BUB1: variants seen among roughly 807,000 people sequenced by gnomAD.
BUB1 encodes BUB1 mitotic checkpoint serine/threonine kinase.
Under a neutral mutation model 135.2 loss-of-function variants are expected in BUB1, and 84 were observed. The ratio of observed to expected loss-of-function variants is 0.62; its 90% CI spans 0.52 to 0.74. The LOEUF (loss-of-function observed/expected upper bound fraction) is 0.74, where lower values mean the gene tolerates loss of function less well. Among genes scored for constraint, BUB1 ranks in the 30% least tolerant of loss-of-function variants. BUB1 has a pLI of 0.00. For synonymous variants in BUB1, 403 were observed against 434.4 expected (o/e 0.93, Z 0.90); for missense variants, 1,162 against 1,288.3 (o/e 0.90, Z 1.50).
At chr2:110,649,147 T>TCACACACACA (rs34802999) in intron 19 of BUB1, 87 bp downstream of exon 19, 1 of 1,137,482 alleles carries the variant, frequency 8.8e-7, no homozygotes, top group Non-Finnish European at 1.2e-6. Flanking sequence ...AATAGGAGAA[T>TCACACACACA]CACACACACA....
chr2:110,661,361 G>C, intron 10 of BUB1: 1 of 556,040 alleles, frequency 1.8e-6, no homozygotes, highest in South Asian at 3.2e-5. Context: ...TTTAATTCAC[G>C]AAAGTATAAA....
At chr2:110,645,013 AC>A (rs767370576) in intron 19 of BUB1, among the ~76,000 whole-genome samples, 3 of 152,246 alleles carry the variant, frequency 2.0e-5, no homozygotes, top group Admixed American at 6.5e-5. Flanking sequence ...CAAAGAAAGA[AC>A]AAGGGCAAGG....
chr2:110,641,784 G>A lies in BUB1; in HGVS notation c.2483C>T (p.Pro828Leu), dbSNP rs200251349. ...CTGGGTCCCAATGTAGAATTCCCAG[G>A]GGTTGGCAGGCTTTTGGACCTGCAA... ...FVLKVQKPAN[P>L]WEFYIGTQLM... The change falls in exon 21 of 25, where the codon CCC becomes CTC. Residue 828 changes from proline (P) to leucine (L), a missense_variant. Transcript: ENST00000302759. The A allele has an allele frequency of 6.2e-7, 1 of 1,605,886 alleles. No individual in the cohort carries two copies. The highest frequency in any genetic ancestry group is 8.5e-7 in the Non-Finnish European group (1 of 1,179,730).
At chr2:110,663,493 C>CTATTCATACA (rs1178243483) in intron 9 of BUB1, among the ~76,000 whole-genome samples, 4 of 152,112 alleles carry the variant, frequency 2.6e-5, no homozygotes, top group Non-Finnish European at 5.9e-5. Context: ...TATCCTGATG[C>CTATTCATACA]TATTCATACA....
At chr2:110,651,841 A>G (rs1689795615) in intron 17 of BUB1, among the ~76,000 whole-genome samples, 1 of 152,244 alleles carries the variant, frequency 6.6e-6, no homozygotes, top group Non-Finnish European at 1.5e-5. Flanking sequence ...AGTATTCAAT[A>G]CAATAACATG....
At position 110,650,766 on chromosome 2, in the gene BUB1, G is replaced by A; in HGVS notation, c.1983C>T (p.Ser661=). The change falls in exon 18 of 25, where the codon AGC becomes AGT. Residue 661 remains serine, a synonymous_variant. Transcript: ENST00000302759. ...DGKFSPIQEK[S]PKQALSSHMY... Reference sequence around the variant, plus strand: ...TGTGAGACGACAAGGCCTGTTTTGGGCTTTTCTCTTGAATTGGACTGGACG... The same window carrying A: ...TGTGAGACGACAAGGCCTGTTTTGGACTTTTCTCTTGAATTGGACTGGACG... The A allele has an allele frequency of 1.9e-6, 3 of 1,613,962 alleles. No homozygotes were observed. The highest frequency in any genetic ancestry group is 2.5e-6 in the Non-Finnish European group (3 of 1,179,936).
Position 110,657,172 on chromosome 2 carries a change from C to T in BUB1, c.1617-55G>A, listed in dbSNP as rs908380592. 2.1e-6 allele frequency: 3 copies of T among 1,452,970 alleles called. No homozygotes were observed. In the Admixed American group the frequency reaches 5.4e-5, roughly 26 times the overall value. The allele number at this position is 1,452,970 out of a possible 1,614,324, so 90.0% of individuals were successfully genotyped here. Reference sequence around the variant, plus strand: ...GTAAAATATGCTAAGGAAATAAATGCTATCACTTGACCATTAGAAAAGTTC... The same window carrying T: ...GTAAAATATGCTAAGGAAATAAATGTTATCACTTGACCATTAGAAAAGTTC... On this transcript the variant is annotated intron_variant, in intron 14 of 24. Transcript: ENST00000302759.
chr2:110,676,208 A>G (rs1041495392), intron 1 of BUB1, among the ~76,000 whole-genome samples: 2 of 152,126 alleles, frequency 1.3e-5, no homozygotes, highest in African/African-American at 4.8e-5. Context: ...TAATGAGCAA[A>G]GGGCATAATA....
chr2:110,661,483 T>C, intron 10 of BUB1, 99 bp downstream of exon 10: 2 of 1,401,856 alleles, frequency 1.4e-6, no homozygotes, highest in Non-Finnish European at 1.9e-6. Context: ...GCAGACATCA[T>C]TCATCTTTTA....
chr2:110,641,923 T>C, intron 20 of BUB1, 120 bp from the exon 21 acceptor site: 9 of 1,190,466 alleles, frequency 7.6e-6, no homozygotes, highest in Middle Eastern at 2.2e-4. Context: ...CTATGAACTG[T>C]TGCTGCAATG....
intron 5 of BUB1, 135 bp downstream of exon 5, chr2:110,670,390 G>T: frequency 1.1e-6 from 1 of 926,682 alleles, no homozygotes; most frequent in Non-Finnish European, 1.7e-6. Flanking sequence ...CACCCATCTT[G>T]GCCTCCCAAA....
Position 110,658,423 on chromosome 2 carries a change from T to C in BUB1, c.1503A>G (p.Glu501=). 1 of 1,612,994 alleles carries C rather than the reference T, an allele frequency of 6.2e-7. No homozygotes were observed. Among genetic ancestry groups the C allele is most frequent in the Non-Finnish European group, 8.5e-7 (1 of 1,179,302 alleles). Reference sequence around the variant, plus strand: ...AATAGTTATTACTTTGAAACTGGGCTTCAAATGCATCTTCATTTTGATCTA... The same window carrying C: ...AATAGTTATTACTTTGAAACTGGGCCTCAAATGCATCTTCATTTTGATCTA... ...QSLDQNEDAF[E]AQFQKNVRSS... is the part of the protein sequence containing the mutation. The change falls in exon 13 of 25, where the codon GAA becomes GAG. Residue 501 remains glutamate (E), a synonymous_variant. Coordinates refer to ENST00000302759, the MANE Select transcript of BUB1 (RefSeq NM_004336.5).
At chr2:110,666,981 G>A (rs1690276351) in intron 8 of BUB1, among the ~76,000 whole-genome samples, 3 of 152,264 alleles carry the variant, frequency 2.0e-5, no homozygotes, top group Admixed American at 6.5e-5. Context: ...AGTCCTCTGT[G>A]TTAACTGACT....
intron 11 of BUB1, among the ~76,000 whole-genome samples, chr2:110,659,231 T>G (rs984971066): frequency 6.6e-6 from 1 of 152,182 alleles, no homozygotes; most frequent in Admixed American, 6.6e-5. Flanking sequence ...TATCAGAGAT[T>G]TTCCTGCTTG....
At chr2:110,668,689 TCTC>T (rs1280763058) in intron 6 of BUB1, among the ~76,000 whole-genome samples, 1 of 152,004 alleles carries the variant, frequency 6.6e-6, no homozygotes, top group Non-Finnish European at 1.5e-5. Flanking sequence ...GCAGAAGAGA[TCTC>T]CACAGGGCAA....
rs754649055 is a variant in BUB1 at position 110,653,541 on chromosome 2, T to TA, written c.1877-19dup. ...CACATTTTCTGAAAGATTCAAAAAT[T>TA]AGAGACAAGATATGTTAGATGCACA... On this transcript the variant is annotated intron_variant, in intron 16 of 24. Coordinates refer to ENST00000302759, the MANE Select transcript of BUB1 (RefSeq NM_004336.5). 21 of 1,604,866 alleles carry TA rather than the reference T, an allele frequency of 1.3e-5. No individual in the cohort carries two copies. The African/African-American group carries it at 2.8e-4, about 21-fold the overall frequency.
In BUB1 at chr2:110,669,436, A is replaced by T. The variant is rs748151975; in HGVS notation, c.567+17T>A. 6.5e-7 allele frequency: 1 copy of T among 1,541,552 alleles called. No individual in the cohort carries two copies. The highest frequency in any genetic ancestry group is 1.1e-5 in the South Asian group (1 of 89,554). ...ACCATTCCCAGTTTCCACACAAGCT[A>T]CAAATGTCATTATTACCTGATTCTT... On this transcript the variant is annotated intron_variant, in intron 6 of 24. Coordinates refer to ENST00000302759, the MANE Select transcript of BUB1 (RefSeq NM_004336.5).
At chr2:110,651,117 C>T (rs1323900992) in intron 17 of BUB1, among the ~76,000 whole-genome samples, 3 of 152,140 alleles carry the variant, frequency 2.0e-5, no homozygotes, top group African/African-American at 7.2e-5. Flanking sequence ...GAATATTTAA[C>T]TTTATTCCAA....
intron 17 of BUB1, 59 bp downstream of exon 17, chr2:110,653,377 T>G: frequency 6.5e-7 from 1 of 1,536,604 alleles, no homozygotes; most frequent in Non-Finnish European, 9.0e-7. Flanking sequence ...ATGAAAATGG[T>G]AAACAATGTT....
Sources: allele counts gnomAD v4.1 joint callset (sites outside exome capture counted in the v4.1 genomes callset), GRCh38; gene constraint gnomAD v4.1.1; transcripts MANE v1.5; gene names NCBI Gene and HGNC (gene_info 2026-07-23, HGNC 2026-07-21).